Variants in KHDRBS2 observed in about 807,000 individuals in gnomAD.
The protein encoded by KHDRBS2 is KH RNA binding domain containing, signal transduction associated 2, also known as KH domain-containing, RNA-binding, signal transduction-associated protein 2.
A neutral mutation model predicts 44.3 loss-of-function variants in KHDRBS2; 26 were observed. That is an observed-to-expected ratio of 0.59 (90% confidence interval 0.43 to 0.81). KHDRBS2 has a LOEUF of 0.81. KHDRBS2 is among the 40% of genes least tolerant of loss of function. The probability of loss-of-function intolerance (pLI) is 0.00; values close to 1 mark genes in which losing one functional copy is unlikely to be tolerated. For missense variants in KHDRBS2, 476 were observed against 433.1 expected (o/e 1.10, Z -0.88); for synonymous variants, 194 against 151.1 (o/e 1.28, Z -2.08).
intron 7 of KHDRBS2, among the ~76,000 whole-genome samples, chr6:61,720,166 C>G (rs1308261312): frequency 1.3e-5 from 2 of 152,130 alleles, no homozygotes; most frequent in Non-Finnish European, 2.9e-5. Context: ...TTTTCTTAAT[C>G]CAGTCTATCA....
intron 4 of KHDRBS2, among the ~76,000 whole-genome samples, chr6:61,951,971 GC>G (rs1373044369): frequency 2.0e-5 from 3 of 151,938 alleles, no homozygotes; most frequent in African/African-American, 7.2e-5. Flanking sequence ...TAGACCAAGA[GC>G]TAAACTGTTG....
At chr6:62,112,402 C>T (rs208996) in intron 2 of KHDRBS2, among the ~76,000 whole-genome samples, 25,837 of 152,034 alleles carry the variant, frequency 0.17, 2,526 homozygotes, top group African/African-American at 0.27. Flanking sequence ...ATCTATATCT[C>T]TACTCTAAGA....
chr6:62,099,633 C>A (rs1487608695), intron 2 of KHDRBS2, among the ~76,000 whole-genome samples: 1 of 152,142 alleles, frequency 6.6e-6, no homozygotes, highest in Non-Finnish European at 1.5e-5. Context: ...CAGCACTGGG[C>A]TCCAAGGTAA....
intron 3 of KHDRBS2, among the ~76,000 whole-genome samples, chr6:61,979,395 G>C (rs1179955456): frequency 6.6e-6 from 1 of 152,080 alleles, no homozygotes; most frequent in Non-Finnish European, 1.5e-5. Context: ...TTTATGTAGA[G>C]ATTAGAGACA....
At chr6:61,607,520 CA>C in the KHDRBS2 span, among the ~76,000 whole-genome samples, 39 of 41,084 alleles carry the variant, frequency 9.5e-4, no homozygotes, top group East Asian at 0.018. Flanking sequence ...GAGTTCCAAG[CA>C]AAAAAAAAAA....
intron 2 of KHDRBS2, among the ~76,000 whole-genome samples, chr6:62,095,772 A>G (rs1417743901): frequency 1.3e-5 from 2 of 151,898 alleles, no homozygotes; most frequent in Non-Finnish European, 2.9e-5. Flanking sequence ...AAAGTAATAC[A>G]AGTGGACATT....
intron 4 of KHDRBS2, among the ~76,000 whole-genome samples, chr6:61,951,731 A>G (rs569413928): frequency 6.6e-6 from 1 of 152,218 alleles, no homozygotes; most frequent in East Asian, 1.9e-4. Flanking sequence ...GTTAGTGGCC[A>G]TAAAGTGACC....
At chr6:61,558,069 T>A in the KHDRBS2 span, among the ~76,000 whole-genome samples, 2 of 152,178 alleles carry the variant, frequency 1.3e-5, no homozygotes, top group Non-Finnish European at 1.5e-5. Flanking sequence ...ATCTTTTTTT[T>A]AAACAACTTT....
At position 62,168,649 on chromosome 6, in the gene KHDRBS2, G is replaced by A. The variant is rs558522294; in HGVS notation, c.219+8536C>T. ...TGGAATTTTAATCATTTCTCCAAGG[G>A]TAATAATTGTCTTCATTAATATCAA... On this transcript the variant is annotated intron_variant, in intron 2 of 8. Transcript: ENST00000281156. Among the ~76,000 whole-genome samples, 5 of 152,162 alleles carry A rather than the reference G, an allele frequency of 3.3e-5. No individual in the cohort carries two copies. The South Asian group carries it at 1.0e-3, about 32-fold the overall frequency.
chr6:61,677,199 C>A (rs1765993985), downstream of KHDRBS2, among the ~76,000 whole-genome samples: 1 of 151,736 alleles, frequency 6.6e-6, no homozygotes, highest in Admixed American at 6.6e-5. Context: ...AATAAAAAGT[C>A]ATATTGATTA....
chr6:62,043,435 T>A (rs1443381151), intron 3 of KHDRBS2, among the ~76,000 whole-genome samples: 5 of 152,126 alleles, frequency 3.3e-5, no homozygotes, highest in Non-Finnish European at 5.9e-5. Flanking sequence ...ATACATGCTG[T>A]ATATTTTCCT....
Position 62,228,251 on chromosome 6 carries a change from G to T in KHDRBS2, c.92-50939C>A, listed in dbSNP as rs188745948. Among the ~76,000 whole-genome samples the T allele has an allele frequency of 9.9e-5, 15 of 152,160 alleles. No homozygotes were observed. The East Asian group carries it at 2.7e-3, about 27-fold the overall frequency. On this transcript the variant is annotated intron_variant, in intron 1 of 8. Transcript: ENST00000281156. ...TCAACTTATTCCTAATTTAGTCTTG[G>T]GAGGGTATATGTGTCCAGGAATGTA... is the stretch of plus-strand genomic sequence containing the variant.
chr6:61,796,947 T>C (rs1186612395), intron 6 of KHDRBS2, among the ~76,000 whole-genome samples: 4 of 152,300 alleles, frequency 2.6e-5, no homozygotes, highest in African/African-American at 9.6e-5. Context: ...AAGTTATCTG[T>C]ATTTTATGTT....
intron 1 of KHDRBS2, among the ~76,000 whole-genome samples, chr6:62,248,549 G>C (rs1046146055): frequency 1.3e-5 from 2 of 151,852 alleles, no homozygotes; most frequent in African/African-American, 4.8e-5. Context: ...AGTAGAGACG[G>C]GGTTTCACCA....
intron 2 of KHDRBS2, among the ~76,000 whole-genome samples, chr6:62,053,930 T>C (rs1043265581): frequency 6.6e-6 from 1 of 151,998 alleles, no homozygotes; most frequent in Non-Finnish European, 1.5e-5. Context: ...AATTAGAGAA[T>C]TTTTTTAAAG....
intron 2 of KHDRBS2, among the ~76,000 whole-genome samples, chr6:62,063,061 C>T (rs1258062499): frequency 6.9e-6 from 1 of 145,434 alleles, no homozygotes; most frequent in African/African-American, 2.5e-5. Context: ...CACATACACT[C>T]TCCCAAGACT....
intron 3 of KHDRBS2, among the ~76,000 whole-genome samples, chr6:62,023,140 AAGAT>A (rs1352925337): frequency 6.6e-6 from 1 of 151,784 alleles, no homozygotes; most frequent in East Asian, 1.9e-4. Context: ...AAGTAAGATT[AAGAT>A]AATTTACTTC....
intron 6 of KHDRBS2, among the ~76,000 whole-genome samples, chr6:61,814,575 C>A (rs1279463805): frequency 6.6e-6 from 1 of 152,134 alleles, no homozygotes; most frequent in African/African-American, 2.4e-5. Flanking sequence ...CATGGCACTC[C>A]AGCCTGGTGA....
chr6:62,181,113 A>C (rs939079785), intron 1 of KHDRBS2, among the ~76,000 whole-genome samples: 2 of 151,954 alleles, frequency 1.3e-5, no homozygotes, highest in African/African-American at 4.8e-5. Flanking sequence ...AAAGGGGTAA[A>C]TGCTTCTTGA....
Sources: allele counts gnomAD v4.1 joint callset (sites outside exome capture counted in the v4.1 genomes callset), GRCh38; gene constraint gnomAD v4.1.1; transcripts MANE v1.5; gene names NCBI Gene and HGNC (gene_info 2026-07-23, HGNC 2026-07-21).